DDI2: variants seen among roughly 807,000 people sequenced by gnomAD.
The protein encoded by DDI2 is DDI proteasomal shuttling factor 2, also known as protein DDI1 homolog 2.
A neutral mutation model predicts 48.1 loss-of-function variants in DDI2; 5 were observed. The ratio of observed to expected loss-of-function variants is 0.10; its 90% CI spans 0.05 to 0.22. DDI2 has a LOEUF of 0.22. Ranked by LOEUF, DDI2 falls within the 10% of genes least tolerant of loss-of-function variation. DDI2 has a pLI of 1.00. For synonymous variants in DDI2, 205 were observed against 183.6 expected (o/e 1.12, Z -0.94); for missense variants, 285 against 506.2 (o/e 0.56, Z 4.19).
chr1:15,655,916 A>G (rs1193795899), intron 8 of DDI2, among the ~76,000 whole-genome samples: 1 of 152,110 alleles, frequency 6.6e-6, no homozygotes, highest in Non-Finnish European at 1.5e-5. Context: ...ACAGTGAGAC[A>G]CTGTCTCAAA....
chr1:15,639,019 A>G (rs1436322536), intron 5 of DDI2, among the ~76,000 whole-genome samples: 1 of 152,138 alleles, frequency 6.6e-6, no homozygotes, highest in African/African-American at 2.4e-5. Context: ...GGAGCTATAA[A>G]AGGAGCTGTG....
At chr1:15,622,451 A>G (rs939101824) in intron 1 of DDI2, among the ~76,000 whole-genome samples, 1 of 152,216 alleles carries the variant, frequency 6.6e-6, no homozygotes, top group Non-Finnish European at 1.5e-5. Flanking sequence ...TAATTAGTCT[A>G]TTGTTAAATG....
chr1:15,654,826 G>T (rs1258082411), intron 8 of DDI2, among the ~76,000 whole-genome samples: 1 of 152,146 alleles, frequency 6.6e-6, no homozygotes, highest in East Asian at 1.9e-4. Flanking sequence ...AGGTAAGCTT[G>T]AATGAATTTG....
intron 6 of DDI2, 61 bp downstream of exon 6, chr1:15,643,711 G>A (rs1276725460): frequency 9.6e-6 from 15 of 1,569,598 alleles, no homozygotes; most frequent in East Asian, 9.2e-5. Flanking sequence ...TAGGGTAGTC[G>A]ATTTTCAAGT....
chr1:15,640,796 T>G (rs1224341419), intron 5 of DDI2, among the ~76,000 whole-genome samples: 1 of 152,226 alleles, frequency 6.6e-6, no homozygotes, highest in Non-Finnish European at 1.5e-5. Flanking sequence ...GAACTTTTAT[T>G]ACTTATAAAG....
chr1:15,617,884 T>C (rs1639588632), intron 1 of DDI2, 76 bp downstream of exon 1: 1 of 1,425,258 alleles, frequency 7.0e-7, no homozygotes, highest in East Asian at 2.7e-5. Context: ...CTCCCTTTGC[T>C]ACTGGTGAAG....
chr1:15,649,959 T>C (rs775883754), intron 7 of DDI2, 136 bp downstream of exon 7: 12 of 798,826 alleles, frequency 1.5e-5, no homozygotes, highest in Non-Finnish European at 2.3e-5. Flanking sequence ...CCTTAAATTA[T>C]GTTGCTATAC....
Position 15,660,860 on chromosome 1 carries a change from C to T in DDI2, c.*1070C>T. On this transcript the variant is annotated 3_prime_UTR_variant, in exon 10 of 10. Coordinates refer to ENST00000480945, the MANE Select transcript of DDI2 (RefSeq NM_032341.5). ...AATAAAGAATATGGCCATTACTCCT[C>T]TCCAAGTCTCTGTGGCAGTTGTCAG... is the stretch of plus-strand genomic sequence containing the variant. 1.2e-6 allele frequency: 2 copies of T among 1,614,190 alleles called. No individual in the cohort carries two copies. Among genetic ancestry groups the T allele is most frequent in the Non-Finnish European group, 1.7e-6 (2 of 1,180,042 alleles).
At chr1:15,619,664 T>C (rs920089165) in intron 1 of DDI2, among the ~76,000 whole-genome samples, 1 of 151,542 alleles carries the variant, frequency 6.6e-6, no homozygotes, top group Non-Finnish European at 1.5e-5. Context: ...GGTTTCACCA[T>C]GTTAGCCAGG....
At chr1:15,642,769 C>A (rs1364704380) in intron 5 of DDI2, among the ~76,000 whole-genome samples, 1 of 152,166 alleles carries the variant, frequency 6.6e-6, no homozygotes, top group Admixed American at 6.6e-5. Flanking sequence ...ACTAAAAATA[C>A]AAAAATTAGC....
rs887764349 is a variant in DDI2 at position 15,663,419 on chromosome 1, G to A, written c.*3629G>A. ...TTTGTATGTATGTTATAAGACTTTAGTGATGGGATGGCGTGTCACGTAGAT... is the reference window on the plus strand; with the variant it reads ...TTTGTATGTATGTTATAAGACTTTAATGATGGGATGGCGTGTCACGTAGAT... On this transcript the variant is annotated 3_prime_UTR_variant, in exon 10 of 10. Coordinates refer to ENST00000480945, the MANE Select transcript of DDI2 (RefSeq NM_032341.5). 5.9e-5 allele frequency: 9 copies of A among 152,110 alleles called. No individual in the cohort carries two copies. Among genetic ancestry groups the A allele is most frequent in the African/African-American group, 2.2e-4 (9 of 41,414 alleles). The allele number at this position is 152,110 out of a possible 1,614,324, so 9.4% of individuals were successfully genotyped here. A position where few individuals can be genotyped will look rare whatever the true frequency, so the allele number is the denominator to read the frequency against.
At chr1:15,627,984 A>G (rs545370207) in intron 2 of DDI2, among the ~76,000 whole-genome samples, 16 of 152,304 alleles carry the variant, frequency 1.1e-4, no homozygotes, top group African/African-American at 3.6e-4. Context: ...AACGTATTTA[A>G]ACAACTATGA....
Position 15,661,218 on chromosome 1 carries a change from T to C in DDI2, c.*1428T>C. On this transcript the variant is annotated 3_prime_UTR_variant, in exon 10 of 10. Coordinates refer to ENST00000480945, the MANE Select transcript of DDI2 (RefSeq NM_032341.5). ...AAAATGTAAACTTCAGGAGTCTAGG[T>C]GATGGCCTGTCAACCGATAAGGAAG... is the stretch of plus-strand genomic sequence containing the variant. 1 of 1,614,170 alleles carries C rather than the reference T, an allele frequency of 6.2e-7. No homozygotes were observed. Among genetic ancestry groups the C allele is most frequent in the Admixed American group, 1.7e-5 (1 of 60,022 alleles).
In DDI2 at chr1:15,643,502, A is replaced by G. The variant is rs1314233421; in HGVS notation, c.761-20A>G. On this transcript the variant is annotated intron_variant, in intron 5 of 9. Coordinates refer to ENST00000480945, the MANE Select transcript of DDI2 (RefSeq NM_032341.5). Reference sequence around the variant, plus strand: ...AAGTGGATTTTGTTTTTATTGTCTGATGTTTCTCTACTCCTCCAGGTGCCC... The same window carrying G: ...AAGTGGATTTTGTTTTTATTGTCTGGTGTTTCTCTACTCCTCCAGGTGCCC... 1.9e-6 allele frequency: 3 copies of G among 1,604,968 alleles called. No homozygotes were observed. Among genetic ancestry groups the G allele is most frequent in the Non-Finnish European group, 2.5e-6 (3 of 1,176,500 alleles).
intron 1 of DDI2, among the ~76,000 whole-genome samples, chr1:15,622,547 T>G (rs1639682285): frequency 6.6e-6 from 1 of 152,186 alleles, no homozygotes; most frequent in African/African-American, 2.4e-5. Flanking sequence ...TTAAGACTCA[T>G]AGCTGTATAC....
At chr1:15,651,278 A>C (rs1640177991) in intron 7 of DDI2, among the ~76,000 whole-genome samples, 1 of 152,224 alleles carries the variant, frequency 6.6e-6, no homozygotes, top group African/African-American at 2.4e-5. Context: ...GATGTAAATC[A>C]TATATGTGCA....
intron 9 of DDI2, 124 bp from the exon 10 acceptor site, chr1:15,659,713 A>G: frequency 2.1e-6 from 2 of 961,986 alleles, no homozygotes; most frequent in Admixed American, 3.1e-5. Context: ...CTATTTGTGT[A>G]AGAGAAACCC....
rs774506707 is a variant in DDI2 at position 15,656,670 on chromosome 1, C to T, written c.*37C>T. 3.1e-6 allele frequency: 5 copies of T among 1,614,086 alleles called. No homozygotes were observed. The South Asian group carries it at 4.4e-5, about 14-fold the overall frequency. The stretch of plus-strand genomic sequence containing the variant: ...TGTGTGTACTGCAGCTGGAGTGGGC[C>T]CCAGACCAGGTATTTATAGACACCA... On this transcript the variant is annotated 3_prime_UTR_variant, in exon 9 of 10. Coordinates refer to ENST00000480945, the MANE Select transcript of DDI2 (RefSeq NM_032341.5).
intron 4 of DDI2, 141 bp from the exon 5 acceptor site, chr1:15,638,166 A>G: frequency 3.5e-6 from 4 of 1,158,486 alleles, no homozygotes; most frequent in Non-Finnish European, 4.9e-6. Flanking sequence ...TGCCCCATAT[A>G]GCACCAATTT....
Sources: gnomAD v4.1 joint callset for allele counts (sites outside exome capture counted in the v4.1 genomes callset) on GRCh38, gnomAD v4.1.1 for gene constraint, MANE v1.5 for transcripts, NCBI Gene and HGNC (gene_info 2026-07-23, HGNC 2026-07-21) for gene names.